The following OR14J1 variants were observed in gnomAD, a reference collection of about 807,000 sequenced individuals.
OR14J1 encodes olfactory receptor 14J1.
For missense variants in OR14J1, 378 were observed against 393.4 expected (o/e 0.96, Z 0.33); for synonymous variants, 140 against 146.7 (o/e 0.95, Z 0.33).
rs751095362 is a variant in OR14J1, at chr6:29,306,697, A to C, written c.8A>C (p.Asn3Thr). 6.2e-6 allele frequency: 10 copies of C among 1,609,126 alleles called. No individual in the cohort carries two copies. The highest frequency in any genetic ancestry group is 8.5e-6 in the Non-Finnish European group (10 of 1,176,846). Residue 3 changes from asparagine to threonine, a missense_variant, in exon 2 of 2, where the codon AAT becomes ACT. Coordinates refer to ENST00000641895, the MANE Select transcript of OR14J1 (RefSeq NM_030946.2). ...GGTATCTTCAGAGAGACTATGGTCA[A>C]TTTGACTTCAATGAGTGGATTCCTT... MV[N>T]LTSMSGFLLM...
chr6:29,302,399 G>C (rs1774782812), intron 1 of OR14J1, among the ~76,000 whole-genome samples: 1 of 151,846 alleles, frequency 6.6e-6, no homozygotes, highest in South Asian at 2.1e-4. Context: ...GGCTGGTTTT[G>C]AACTCCTGAC....
At position 29,310,806 on chromosome 6, in the gene OR14J1, C is replaced by T. The variant is rs1277345797; in HGVS notation, c.*3151C>T. 6.6e-6 allele frequency: 1 copy of T among 152,046 alleles called. No homozygotes were observed. Among genetic ancestry groups the T allele is most frequent in the East Asian group, 1.9e-4 (1 of 5,188 alleles). 9.4% of individuals were successfully genotyped at this position (152,046 alleles called of 1,614,324 possible). A position where few individuals can be genotyped will look rare whatever the true frequency, so the allele number is the denominator to read the frequency against. ...TCCTTGAGCAGTGGTTTGTAGTTCT[C>T]CTTGAAGAGGTCCTTCACATGCCTT... On this transcript the variant is annotated 3_prime_UTR_variant, in exon 2 of 2. Coordinates refer to ENST00000641895, the MANE Select transcript of OR14J1 (RefSeq NM_030946.2).
chr6:29,306,552 A>G, intron 1 of OR14J1, 110 bp from the exon 2 acceptor site: 1 of 666,324 alleles, frequency 1.5e-6, no homozygotes, highest in Admixed American at 2.4e-5. Flanking sequence ...CGCAATGAAA[A>G]TAAATTCATC....
In OR14J1 at chr6:29,307,187, C is replaced by T; in HGVS notation, c.498C>T (p.Leu166=). ...MHAAINFSIP[L]CGKRVIHQFF... Reference sequence around the variant, plus strand: ...CTGCCATTAACTTCTCCATACCTCTCTGTGGGAAGAGAGTCATTCACCAAT... The same window carrying T: ...CTGCCATTAACTTCTCCATACCTCTTTGTGGGAAGAGAGTCATTCACCAAT... Residue 166 remains leucine, a synonymous_variant, in exon 2 of 2, where the codon CTC becomes CTT. Coordinates refer to ENST00000641895, the MANE Select transcript of OR14J1 (RefSeq NM_030946.2). 1 of 1,613,076 alleles carries T rather than the reference C, an allele frequency of 6.2e-7. No individual in the cohort carries two copies. The highest frequency in any genetic ancestry group is 8.5e-7 in the Non-Finnish European group (1 of 1,180,008).
Position 29,307,219 on chromosome 6 carries a change from G to A in OR14J1, c.530G>A (p.Cys177Tyr), listed in dbSNP as rs1295586715. Residue 177 changes from cysteine to tyrosine, a missense_variant, in exon 2 of 2, where the codon TGT becomes TAT. Cys to Tyr is a radical substitution (Grantham distance 194, BLOSUM62 -2). Transcript: ENST00000641895. ...AAGAGAGTCATTCACCAATTCTTCT[G>A]TGATGTTCCTCAGATGCTGAAACTA... The part of the protein sequence containing the change: ...CGKRVIHQFF[C>Y]DVPQMLKLAC... 9.3e-6 allele frequency: 15 copies of A among 1,612,896 alleles called. No homozygotes were observed. The highest frequency in any genetic ancestry group is 1.3e-5 in the Non-Finnish European group (15 of 1,180,036).
In OR14J1 at chr6:29,311,442, G is replaced by A. The variant is rs1261099414; in HGVS notation, c.*3787G>A. On this transcript the variant is annotated 3_prime_UTR_variant, in exon 2 of 2. Coordinates refer to ENST00000641895, the MANE Select transcript of OR14J1 (RefSeq NM_030946.2). ...TGATTTGCATATTTGAATCAGCTTT[G>A]CATCCCAGGAATGAAGCTGACTTGA... 1.3e-5 allele frequency: 2 copies of A among 152,150 alleles called. No homozygotes were observed. Among genetic ancestry groups the A allele is most frequent in the East Asian group, 3.8e-4 (2 of 5,202 alleles). 9.4% of individuals were successfully genotyped at this position (152,150 alleles called of 1,614,324 possible).
rs1188559663 is a variant in OR14J1 at position 29,311,184 on chromosome 6, G to C, written c.*3529G>C. 3 of 152,192 alleles carry C rather than the reference G, an allele frequency of 2.0e-5. 1 individual carries two copies. Among genetic ancestry groups the C allele is most frequent in the Admixed American group, 2.0e-4 (3 of 15,278 alleles). 9.4% of individuals were successfully genotyped at this position (152,192 alleles called of 1,614,324 possible). On this transcript the variant is annotated 3_prime_UTR_variant, in exon 2 of 2. Coordinates refer to ENST00000641895, the MANE Select transcript of OR14J1 (RefSeq NM_030946.2). ...TGGTGAGAGAGGGCATCCTTGTCTT[G>C]TGACAGTTTTCTCAGGGAATGCTTC...
At chr6:29,306,231 C>A (rs1430083155) in intron 1 of OR14J1, among the ~76,000 whole-genome samples, 1 of 152,168 alleles carries the variant, frequency 6.6e-6, no homozygotes, top group Non-Finnish European at 1.5e-5. Flanking sequence ...GTTTCTAGAT[C>A]TGCCTCTGAG....
intron 1 of OR14J1, among the ~76,000 whole-genome samples, chr6:29,305,881 G>A (rs988154941): frequency 6.6e-6 from 1 of 151,966 alleles, no homozygotes; most frequent in Non-Finnish European, 1.5e-5. Context: ...CTACTACCTA[G>A]CATTCTGCCT....
chr6:29,307,907 C>T lies in OR14J1; in HGVS notation c.*252C>T. Reference sequence around the variant, plus strand: ...GAAAGACAATTAGTTTGGAGTCTGGCCTGTATAATTTAAAACTTGTTATTA... The same window carrying T: ...GAAAGACAATTAGTTTGGAGTCTGGTCTGTATAATTTAAAACTTGTTATTA... On this transcript the variant is annotated 3_prime_UTR_variant, in exon 2 of 2. Transcript: ENST00000641895. 2.8e-6 allele frequency: 1 copy of T among 363,062 alleles called. No homozygotes were observed. Among genetic ancestry groups the T allele is most frequent in the Non-Finnish European group, 4.9e-6 (1 of 203,278 alleles). The allele number at this position is 363,062 out of a possible 1,614,324, so 22.5% of individuals were successfully genotyped here.
rs1775538895 is a variant in OR14J1, at chr6:29,311,867, A to AT, written c.*4218dup. On this transcript the variant is annotated 3_prime_UTR_variant, in exon 2 of 2. Transcript: ENST00000641895. ...GGTTTATGTGTCCAGGCATTTATCC[A>AT]TTTTTTCTAGATTTTCTAGTTTATT... The AT allele has an allele frequency of 6.6e-6, 1 of 151,842 alleles. No homozygotes were observed. The highest frequency in any genetic ancestry group is 1.5e-5 in the Non-Finnish European group (1 of 67,956). 9.4% of individuals were successfully genotyped at this position (151,842 alleles called of 1,614,324 possible). A position where few individuals can be genotyped will look rare whatever the true frequency, so the allele number is the denominator to read the frequency against.
intron 1 of OR14J1, among the ~76,000 whole-genome samples, chr6:29,306,229 A>T (rs1337692756): frequency 6.6e-6 from 1 of 152,160 alleles, no homozygotes; most frequent in African/African-American, 2.4e-5. Flanking sequence ...CTGTTTCTAG[A>T]TCTGCCTCTG....
Position 29,307,020 on chromosome 6 carries a change from G to C in OR14J1, c.331G>C (p.Ala111Pro). ...FFIALASSEVAILTVMSYDRY... is the reference protein window; with the variant it reads ...FFIALASSEVPILTVMSYDRY... ...CATAGCTCTGGCCTCATCAGAAGTG[G>C]CCATTCTCACAGTGATGTCTTATGA... The change falls in exon 2 of 2, where the codon GCC (alanine) becomes CCC (proline). Residue 111 changes from alanine to proline, a missense_variant. Coordinates refer to ENST00000641895, the MANE Select transcript of OR14J1 (RefSeq NM_030946.2). 1 of 1,613,000 alleles carries C rather than the reference G, an allele frequency of 6.2e-7. No individual in the cohort carries two copies. Among genetic ancestry groups the C allele is most frequent in the Non-Finnish European group, 8.5e-7 (1 of 1,180,010 alleles).
Position 29,312,085 on chromosome 6 carries a change from T to A in OR14J1, c.*4430T>A, listed in dbSNP as rs1371688058. 6 of 152,176 alleles carry A rather than the reference T, an allele frequency of 3.9e-5. No homozygotes were observed. The allele number at this position is 152,176 out of a possible 1,614,324, so 9.4% of individuals were successfully genotyped here. ...CTGGATTCATTGATTTTTTGAATTTTTTTGTGTGTGTCTCTATCTCCTTCA... is the reference window on the plus strand; with the variant it reads ...CTGGATTCATTGATTTTTTGAATTTATTTGTGTGTGTCTCTATCTCCTTCA... On this transcript the variant is annotated 3_prime_UTR_variant, in exon 2 of 2. Coordinates refer to ENST00000641895, the MANE Select transcript of OR14J1 (RefSeq NM_030946.2).
chr6:29,302,595 G>A (rs569804633), intron 1 of OR14J1, among the ~76,000 whole-genome samples: 2 of 152,258 alleles, frequency 1.3e-5, no homozygotes, highest in Admixed American at 6.5e-5. Context: ...TAAGTCAGTC[G>A]CCATTATTAG....
At chr6:29,303,956 C>T (rs1172068765) in intron 1 of OR14J1, among the ~76,000 whole-genome samples, 2 of 151,828 alleles carry the variant, frequency 1.3e-5, no homozygotes, top group Admixed American at 6.6e-5. Flanking sequence ...ATGCCCTTTG[C>T]GATAGAGCAA....
At chr6:29,303,688 CTCTATCTATCTATCTATCTA>C (rs70983984) in intron 1 of OR14J1, among the ~76,000 whole-genome samples, 55 of 149,074 alleles carry the variant, frequency 3.7e-4, no homozygotes, top group African/African-American at 1.2e-3. Context: ...TTAAGATTAT[CTCTATCTATCTATCTATCTA>C]TCTATCTATC....
rs777186078 is a variant in OR14J1, at chr6:29,307,675, G to T, written c.*20G>T. On this transcript the variant is annotated 3_prime_UTR_variant, in exon 2 of 2. Transcript: ENST00000641895. ...CTCTGAAGAACCATACAAATGAAAG[G>T]CATTGTTATTATGTTTCAGATTGGA... 32 of 1,383,654 alleles carry T rather than the reference G, an allele frequency of 2.3e-5. No homozygotes were observed. The highest frequency in any genetic ancestry group is 2.9e-5 in the Non-Finnish European group (29 of 1,008,592). 85.7% of individuals were successfully genotyped at this position (1,383,654 alleles called of 1,614,324 possible).
At position 29,307,447 on chromosome 6, in the gene OR14J1, C is replaced by T. The variant is rs1414917986; in HGVS notation, c.758C>T (p.Ala253Val). 1 of 1,613,062 alleles carries T rather than the reference C, an allele frequency of 6.2e-7. No homozygotes were observed. Among genetic ancestry groups the T allele is most frequent in the Admixed American group, 1.7e-5 (1 of 60,018 alleles). ...GTAGCCACCTTCTTTCTTTCAGCTG[C>T]AGGCTTTGAGTTTCTCAGACTGCCT... ...LFVATFFLSA[A>V]GFEFLRLPSD... is the part of the protein sequence containing the mutation. Residue 253 changes from alanine to valine, a missense_variant, in exon 2 of 2, where the codon GCA (alanine) becomes GTA (valine). Ala to Val is a moderately conservative substitution (Grantham distance 64). Coordinates refer to ENST00000641895, the MANE Select transcript of OR14J1 (RefSeq NM_030946.2).
Sources: gnomAD v4.1 joint callset for allele counts (sites outside exome capture counted in the v4.1 genomes callset) on GRCh38, gnomAD v4.1.1 for gene constraint, MANE v1.5 for transcripts, NCBI Gene and HGNC (gene_info 2026-07-23, HGNC 2026-07-21) for gene names.